ROBO2: variants seen among roughly 807,000 people sequenced by gnomAD.
ROBO2 encodes roundabout homolog 2.
In ROBO2, 53 loss-of-function variants were observed where a neutral mutation model predicts 160.8. That is an observed-to-expected ratio of 0.33 (90% CI 0.26 to 0.41). ROBO2 has a LOEUF of 0.41. ROBO2 is among the 10% of genes least tolerant of loss of function. The pLI is 1.00. For missense variants in ROBO2, 1,577 were observed against 1,722.4 expected (o/e 0.92, Z 1.49); for synonymous variants, 664 against 611.7 (o/e 1.09, Z -1.26).
chr3:76,218,980 A>G, intron 2 of ROBO2, among the ~76,000 whole-genome samples: 1 of 152,326 alleles, frequency 6.6e-6, no homozygotes, highest in East Asian at 1.9e-4. Context: ...GATCAATGGA[A>G]CAGAACAGAG....
At chr3:75,930,216 T>C (rs1460577830) in intron 1 of ROBO2, among the ~76,000 whole-genome samples, 4 of 152,188 alleles carry the variant, frequency 2.6e-5, no homozygotes, top group Non-Finnish European at 5.9e-5. Flanking sequence ...AGGATCTAGA[T>C]GCAAATATTC....
At chr3:76,568,706 A>T (rs1578212379) in intron 2 of ROBO2, among the ~76,000 whole-genome samples, 1 of 152,050 alleles carries the variant, frequency 6.6e-6, no homozygotes, top group Non-Finnish European at 1.5e-5. Flanking sequence ...CATAATCAAG[A>T]TTATTTTAAG....
intron 2 of ROBO2, among the ~76,000 whole-genome samples, chr3:77,396,968 G>A (rs1482480579): frequency 6.6e-6 from 1 of 152,064 alleles, no homozygotes; most frequent in Non-Finnish European, 1.5e-5. Flanking sequence ...GACACGTTTA[G>A]ATTAAATATA....
At chr3:76,042,194 C>CTAA (rs2067294920) in intron 2 of ROBO2, among the ~76,000 whole-genome samples, 1 of 151,876 alleles carries the variant, frequency 6.6e-6, no homozygotes, top group Admixed American at 6.6e-5. Context: ...TATTAATGTA[C>CTAA]TAATACCTGA....
intron 1 of ROBO2, among the ~76,000 whole-genome samples, chr3:77,042,647 G>A (rs1373090161): frequency 6.6e-6 from 1 of 152,164 alleles, no homozygotes; most frequent in African/African-American, 2.4e-5. Flanking sequence ...GCTTGCTGGA[G>A]CAGCAGTAGT....
In ROBO2 at chr3:76,555,425, G is replaced by GAGAAGAAGAAGAAGAAGAAGAAGAAGAA. The variant is rs2083714313; in HGVS notation, c.110-542584_110-542583insAAGAAGAAGAAGAAGAAGAAGAAAGAAG. 5.8e-5 allele frequency among the ~76,000 whole-genome samples: 4 copies of GAGAAGAAGAAGAAGAAGAAGAAGAAGAA among 68,472 alleles called. No individual in the cohort carries two copies. In the East Asian group the frequency reaches 1.9e-3, roughly 32 times the overall value. The allele number at this position is 68,472 out of a possible 152,430, so 44.9% of individuals were successfully genotyped here. On this transcript the variant is annotated intron_variant, in intron 2 of 26. Coordinates refer to the ROBO2 transcript ENST00000487694. ...AAGAAGAAGAAGAAGAAGAAAGAAG[G>GAGAAGAAGAAGAAGAAGAAGAAGAAGAA]AGAAGGGGAAGGGGAAGAGGAAGAG...
rs551436455 is a variant in ROBO2, at chr3:76,339,213, T to C, written c.109+401611T>C. Among the ~76,000 whole-genome samples the C allele has an allele frequency of 2.5e-4, 38 of 152,256 alleles. 1 individual carries two copies. The highest frequency in any genetic ancestry group is 4.9e-4 in the Non-Finnish European group (33 of 68,006). On this transcript the variant is annotated intron_variant, in intron 2 of 26. Transcript: ENST00000487694. ...TGGCATATTTTCAAAATATTGTATT[T>C]GATAAAAAAGTGAAGAGTAAACACT...
At chr3:76,371,705 G>A (rs1043021242) in intron 2 of ROBO2, among the ~76,000 whole-genome samples, 6 of 151,884 alleles carry the variant, frequency 4.0e-5, no homozygotes, top group Admixed American at 3.9e-4. Flanking sequence ...CTTAAAAAAT[G>A]TATAGGTTTA....
rs191427955 is a variant in ROBO2, at chr3:76,246,942, A to G, written c.109+309340A>G. Reference sequence around the variant, plus strand: ...GACCCTGGAAATTCTTATTTTTTCCATCTTAGTTGTAAATTATCAGGCCTG... The same window carrying G: ...GACCCTGGAAATTCTTATTTTTTCCGTCTTAGTTGTAAATTATCAGGCCTG... On this transcript the variant is annotated intron_variant, in intron 2 of 26. Transcript: ENST00000487694. 2.4e-3 allele frequency among the ~76,000 whole-genome samples: 366 copies of G among 152,210 alleles called. 1 individual carries two copies. Among genetic ancestry groups the G allele is most frequent in the Non-Finnish European group, 3.5e-3 (238 of 67,982 alleles).
chr3:77,457,909 A>G (rs1467668285), intron 2 of ROBO2, among the ~76,000 whole-genome samples: 1 of 152,166 alleles, frequency 6.6e-6, no homozygotes, highest in East Asian at 1.9e-4. Context: ...ATGTTTATAT[A>G]CTAATCAGGA....
chr3:76,675,435 A>G (rs763267650), intron 2 of ROBO2, among the ~76,000 whole-genome samples: 5 of 118,308 alleles, frequency 4.2e-5, no homozygotes, highest in African/African-American at 7.1e-5. Flanking sequence ...AGGGGGGAAA[A>G]AGAAACGAAA....
At chr3:76,069,077 A>T (rs1286152648) in intron 2 of ROBO2, among the ~76,000 whole-genome samples, 3 of 151,958 alleles carry the variant, frequency 2.0e-5, no homozygotes, top group African/African-American at 4.8e-5. Flanking sequence ...TCATGCTTTA[A>T]CTCCTATGCC....
chr3:76,150,296 C>T (rs1034325637), intron 2 of ROBO2, among the ~76,000 whole-genome samples: 1 of 151,150 alleles, frequency 6.6e-6, no homozygotes, highest in Non-Finnish European at 1.5e-5. Context: ...CTAAAACACA[C>T]ATCTGTCTAA....
At chr3:77,612,908 G>A (rs955788032) in intron 21 of ROBO2, among the ~76,000 whole-genome samples, 3 of 152,036 alleles carry the variant, frequency 2.0e-5, no homozygotes, top group Non-Finnish European at 2.9e-5. Context: ...AGCCGAGATC[G>A]CGCCACTGCA....
intron 2 of ROBO2, among the ~76,000 whole-genome samples, chr3:76,782,068 T>A (rs1344635335): frequency 2.0e-5 from 3 of 150,680 alleles, no homozygotes; most frequent in African/African-American, 4.8e-5. Context: ...AGATTTTTTA[T>A]ATTATCATGA....
chr3:77,463,738 G>A (rs4684010), intron 2 of ROBO2, among the ~76,000 whole-genome samples: 40,267 of 151,776 alleles, frequency 0.27, 5,780 homozygotes, highest in South Asian at 0.4. Context: ...ACACCATTAC[G>A]CCTGGCTAAT....
chr3:77,601,680 C>G (rs1290458470), intron 19 of ROBO2, among the ~76,000 whole-genome samples: 1 of 152,178 alleles, frequency 6.6e-6, no homozygotes, highest in Non-Finnish European at 1.5e-5. Flanking sequence ...AAAATGCACT[C>G]TCCTTTTCTG....
intron 2 of ROBO2, among the ~76,000 whole-genome samples, chr3:76,913,768 T>C (rs969579738): frequency 2.0e-5 from 3 of 152,196 alleles, no homozygotes; most frequent in African/African-American, 7.2e-5. Context: ...CTGTGAATAA[T>C]ACTCCTTTAG....
chr3:76,798,316 A>AAAG (rs1404329673), intron 2 of ROBO2, among the ~76,000 whole-genome samples: 73 of 96,204 alleles, frequency 7.6e-4, no homozygotes, highest in Admixed American at 2.9e-3. Flanking sequence ...AAGAAAGAAA[A>AAAG]AAGAACGAAT....
Sources: allele counts gnomAD v4.1 joint callset (sites outside exome capture counted in the v4.1 genomes callset), GRCh38; gene constraint gnomAD v4.1.1; transcripts MANE v1.5; gene names NCBI Gene and HGNC (gene_info 2026-07-23, HGNC 2026-07-21).